Variants in MAGEC3 observed in about 807,000 individuals in gnomAD.
The protein encoded by MAGEC3 is melanoma-associated antigen C3.
MAGEC3 carries 34 observed loss-of-function variants against 35.3 expected under a neutral mutation model. The ratio of observed to expected loss-of-function variants is 0.96; its 90% confidence interval spans 0.73 to 1.28. The LOEUF is 1.28. Ranked by LOEUF, MAGEC3 falls within the 50% of genes most tolerant of loss-of-function variation. MAGEC3 has a pLI of 0.00. For missense variants in MAGEC3, 561 were observed against 483.6 expected (o/e 1.16, Z -1.50); for synonymous variants, 202 against 185.6 (o/e 1.09, Z -0.72).
chrX:141,861,669 A>C (rs1003299184), intron 1 of MAGEC3, among the ~76,000 whole-genome samples: 2 of 111,903 alleles, frequency 1.8e-5, no homozygotes, highest in African/African-American at 6.5e-5. Context: ...AAGAACATAC[A>C]CTGGGGAAAG....
At chrX:141,865,714 C>A in intron 2 of MAGEC3, 109 bp downstream of exon 2, 1 of 863,465 alleles carries the variant, frequency 1.2e-6, no homozygotes, top group Non-Finnish European at 1.6e-6. Flanking sequence ...CAGGTTTCCC[C>A]AGTTTTGATG....
chrX:141,873,641 T>C (rs992302314), intron 2 of MAGEC3, among the ~76,000 whole-genome samples: 7 of 111,878 alleles, frequency 6.3e-5, no homozygotes, highest in Non-Finnish European at 1.3e-4. Context: ...AACTTCACTG[T>C]CTTTTTAAAA....
chrX:141,848,337 T>C (rs2017730131), intron 1 of MAGEC3, among the ~76,000 whole-genome samples: 1 of 110,234 alleles, frequency 9.1e-6, no homozygotes, highest in Non-Finnish European at 1.9e-5. Context: ...GAAGTCAACC[T>C]ATCTATCTTC....
intron 4 of MAGEC3, among the ~76,000 whole-genome samples, chrX:141,883,445 A>G (rs2017980394): frequency 8.9e-6 from 1 of 112,001 alleles, no homozygotes; most frequent in African/African-American, 3.3e-5. Context: ...CAGTTTGGAT[A>G]GTGACAATTC....
intron 1 of MAGEC3, among the ~76,000 whole-genome samples, chrX:141,856,457 A>C (rs2124092588): frequency 9.0e-6 from 1 of 111,651 alleles, no homozygotes; most frequent in South Asian, 3.7e-4. Context: ...TCGGCTTTTT[A>C]AAATATTTAA....
At chrX:141,865,051 G>A (rs1289883593) in intron 1 of MAGEC3, among the ~76,000 whole-genome samples, 17 of 111,920 alleles carry the variant, frequency 1.5e-4, no homozygotes, top group African/African-American at 5.2e-4. Flanking sequence ...GTCTATTGGT[G>A]TATTTTGCCC....
chrX:141,842,025 T>C (rs974295135), intron 1 of MAGEC3, among the ~76,000 whole-genome samples: 2 of 111,766 alleles, frequency 1.8e-5, no homozygotes, highest in Admixed American at 9.5e-5. Flanking sequence ...TAATTAGGTA[T>C]TGAGAAAGTT....
rs1448453294 is a variant in MAGEC3 at position 141,897,227 on chromosome X, A to G, written c.1469A>G (p.Tyr490Cys). 2.6e-5 allele frequency: 32 copies of G among 1,212,032 alleles called. No homozygotes were observed. Among genetic ancestry groups the G allele is most frequent in the Non-Finnish European group, 3.6e-5 (32 of 895,587 alleles). ...AEMLTTVIKK[Y>C]KDYFPMIFGK... is the part of the protein sequence containing the mutation. Reference sequence around the variant, plus strand: ...ATGCTGACGACTGTCATCAAGAAGTATAAGGACTATTTTCCCATGATCTTC... The same window carrying G: ...ATGCTGACGACTGTCATCAAGAAGTGTAAGGACTATTTTCCCATGATCTTC... The change falls in exon 7 of 8, where the codon TAT (tyrosine) becomes TGT (cysteine). Residue 490 changes from tyrosine (Y) to cysteine (C), a missense_variant. Tyr to Cys is a radical substitution (Grantham distance 194). Coordinates refer to ENST00000298296, the MANE Select transcript of MAGEC3 (RefSeq NM_138702.1).
chrX:141,845,431 G>C (rs969966396), intron 1 of MAGEC3, among the ~76,000 whole-genome samples: 1 of 110,946 alleles, frequency 9.0e-6, no homozygotes, highest in Non-Finnish European at 1.9e-5. Flanking sequence ...CCAATATTAA[G>C]CTTTAAGTTT....
intron 1 of MAGEC3, among the ~76,000 whole-genome samples, chrX:141,855,461 C>G (rs969596647): frequency 2.7e-5 from 3 of 111,352 alleles, no homozygotes; most frequent in Admixed American, 9.6e-5. Flanking sequence ...AGACTACACT[C>G]AAGAACATCT....
chrX:141,864,227 C>T (rs1255789117), intron 1 of MAGEC3, among the ~76,000 whole-genome samples: 1 of 107,341 alleles, frequency 9.3e-6, no homozygotes, highest in Non-Finnish European at 1.9e-5. Flanking sequence ...CGCTTATAAT[C>T]CCAGTGCTCT....
At chrX:141,882,150 A>C (rs2017971075) in intron 4 of MAGEC3, among the ~76,000 whole-genome samples, 1 of 111,676 alleles carries the variant, frequency 9.0e-6, no homozygotes, top group Non-Finnish European at 1.9e-5. Flanking sequence ...TGAGTGAAGT[A>C]TAGGGCCGTT....
chrX:141,847,609 A>G (rs995529662), intron 1 of MAGEC3, among the ~76,000 whole-genome samples: 17 of 111,932 alleles, frequency 1.5e-4, no homozygotes, highest in African/African-American at 5.2e-4. Context: ...ACACATTTCA[A>G]ATAACCCATA....
intron 1 of MAGEC3, among the ~76,000 whole-genome samples, chrX:141,862,587 G>T (rs2017822023): frequency 8.9e-6 from 1 of 112,342 alleles, no homozygotes; most frequent in African/African-American, 3.2e-5. Flanking sequence ...ATCCACAATG[G>T]AATATTATTC....
Position 141,881,444 on chromosome X carries a change from AAAAGGTGGAC to A in MAGEC3, c.560_569del (p.Lys187SerfsTer23). ...CCCTTGTTCACTTATACACTGGATGAAAAGGTGGACAAGTTGGTGCAGTTTCTTCTCCTCA... is the reference window on the plus strand; with the variant it reads ...CCCTTGTTCACTTATACACTGGATGAAAGTTGGTGCAGTTTCTTCTCCTCA... On this transcript the variant is annotated frameshift_variant, in exon 4 of 8. Transcript: ENST00000298296. LOFTEE classifies it high-confidence loss of function. 1 of 1,209,541 alleles carries A rather than the reference AAAAGGTGGAC, an allele frequency of 8.3e-7. No individual in the cohort carries two copies. The highest frequency in any genetic ancestry group is 1.8e-5 in the South Asian group (1 of 56,463).
intron 1 of MAGEC3, among the ~76,000 whole-genome samples, chrX:141,850,700 C>T (rs964815230): frequency 2.7e-5 from 3 of 111,464 alleles, no homozygotes; most frequent in Non-Finnish European, 5.7e-5. Flanking sequence ...ATGCCCCAGA[C>T]AAATTGACAT....
In MAGEC3 at chrX:141,897,486, G is replaced by T; in HGVS notation, c.1728G>T (p.Gly576=). The T allele has an allele frequency of 8.3e-7, 1 of 1,203,871 alleles. No homozygotes were observed. Among genetic ancestry groups the T allele is most frequent in the Non-Finnish European group, 1.1e-6 (1 of 891,901 alleles). The change falls in exon 7 of 8, where the codon GGG becomes GGT. Residue 576 remains glycine, a splice_region_variant and synonymous_variant. Coordinates refer to ENST00000298296, the MANE Select transcript of MAGEC3 (RefSeq NM_138702.1). ...EVIWEVLSAI[G]PIQRPAREVL... is the part of the protein sequence containing the mutation. ...TCTGGGAAGTGTTGAGTGCAATAGG[G>T]GTGTGTGCTGGGAGGGAGCACTTTA...
At chrX:141,838,867 G>C in intron 1 of MAGEC3, 1 of 752,526 alleles carries the variant, frequency 1.3e-6, no homozygotes, top group Non-Finnish European at 1.6e-6. Flanking sequence ...TTGCACCTCA[G>C]CCCTGGGCTA....
At chrX:141,869,781 T>C (rs771631443) in intron 2 of MAGEC3, among the ~76,000 whole-genome samples, 2 of 112,436 alleles carry the variant, frequency 1.8e-5, no homozygotes, top group Non-Finnish European at 3.8e-5. Flanking sequence ...TTTGGTTATT[T>C]CTGTGGTTTA....
Sources: allele counts gnomAD v4.1 joint callset (sites outside exome capture counted in the v4.1 genomes callset), GRCh38; gene constraint gnomAD v4.1.1; transcripts MANE v1.5; gene names NCBI Gene and HGNC (gene_info 2026-07-23, HGNC 2026-07-21).